The following ROBO2 variants were observed in gnomAD, a reference collection of about 807,000 sequenced individuals.
ROBO2 encodes roundabout homolog 2.
In ROBO2, 53 loss-of-function variants were observed where a neutral mutation model predicts 160.8. The observed-to-expected ratio is 0.33, with a 90% confidence interval of 0.26 to 0.41. ROBO2 has a LOEUF of 0.41. Among genes scored for constraint, ROBO2 ranks in the 10% least tolerant of loss-of-function variants. The pLI, the probability that ROBO2 is intolerant of heterozygous loss-of-function variation, is 1.00. For missense variants in ROBO2, 1,577 were observed against 1,722.4 expected (o/e 0.92, Z 1.49); for synonymous variants, 664 against 611.7 (o/e 1.09, Z -1.26).
At chr3:77,548,727 T>A (rs1582874484) in intron 7 of ROBO2, among the ~76,000 whole-genome samples, 1 of 152,070 alleles carries the variant, frequency 6.6e-6, no homozygotes, top group African/African-American at 2.4e-5. Context: ...TCTAGTTTTC[T>A]TTTCCTCACC....
rs774839752 is a variant in ROBO2 at position 77,577,556 on chromosome 3, G to A, written c.2270G>A (p.Ser757Asn). Residue 757 changes from serine (S) to asparagine (N), a missense_variant, in exon 15 of 26, where the codon AGT becomes AAT. This residue lies in a region of ROBO2 where 940 missense variants were observed against 1,135.5 expected (regional missense o/e 0.83). Coordinates refer to ENST00000461745, the Ensembl canonical transcript of ROBO2. ...GGAAGCTACAATAGCACAAGTATTA[G>A]TGTTTCCTGGGATCCTCCTCCTCCA... 2 of 1,613,238 alleles carry A rather than the reference G, an allele frequency of 1.2e-6. No homozygotes were observed. The highest frequency in any genetic ancestry group is 1.7e-5 in the Admixed American group (1 of 59,900).
At chr3:76,250,020 T>C (rs1358471858) in intron 2 of ROBO2, among the ~76,000 whole-genome samples, 2 of 152,122 alleles carry the variant, frequency 1.3e-5, no homozygotes, top group African/African-American at 2.4e-5. Flanking sequence ...CATGTTTATT[T>C]AACTAAAGTA....
chr3:76,891,988 T>C (rs2074379762), intron 2 of ROBO2, among the ~76,000 whole-genome samples: 1 of 151,950 alleles, frequency 6.6e-6, no homozygotes, highest in Admixed American at 6.6e-5. Flanking sequence ...CCTACAGTGG[T>C]GAAAGCCTCT....
intron 2 of ROBO2, among the ~76,000 whole-genome samples, chr3:76,496,972 T>G (rs2080182592): frequency 6.6e-6 from 1 of 152,148 alleles, no homozygotes; most frequent in East Asian, 1.9e-4. Flanking sequence ...GTTCATGCAA[T>G]TTATGGCTCC....
intron 2 of ROBO2, among the ~76,000 whole-genome samples, chr3:76,504,816 C>T (rs1236872949): frequency 6.6e-6 from 1 of 152,118 alleles, no homozygotes; most frequent in Non-Finnish European, 1.5e-5. Flanking sequence ...GCCTGAGCCA[C>T]CGCACCCAGC....
intron 2 of ROBO2, among the ~76,000 whole-genome samples, chr3:77,146,568 T>C (rs2150484825): frequency 6.6e-6 from 1 of 152,286 alleles, no homozygotes; most frequent in Middle Eastern, 3.4e-3. Context: ...CCTGGGTCTT[T>C]TCCAAAGTTA....
At chr3:76,865,348 A>G (rs940874727) in intron 2 of ROBO2, among the ~76,000 whole-genome samples, 1 of 151,212 alleles carries the variant, frequency 6.6e-6, no homozygotes, top group Non-Finnish European at 1.5e-5. Flanking sequence ...AATTCTTAAC[A>G]TTGTTATTAG....
chr3:76,247,521 A>T (rs17140566), intron 2 of ROBO2, among the ~76,000 whole-genome samples: 18,816 of 152,122 alleles, frequency 0.12, 1,826 homozygotes, highest in East Asian at 0.42. Context: ...CACCTGTCCT[A>T]TCTATGCGCT....
intron 2 of ROBO2, among the ~76,000 whole-genome samples, chr3:76,414,854 A>C (rs2108869231): frequency 6.6e-6 from 1 of 152,250 alleles, no homozygotes; most frequent in South Asian, 2.1e-4. Flanking sequence ...AATTATTCTA[A>C]GGGAAGTGAT....
chr3:76,034,616 T>A (rs1295174178), intron 2 of ROBO2, among the ~76,000 whole-genome samples: 3 of 150,766 alleles, frequency 2.0e-5, no homozygotes, highest in South Asian at 4.1e-4. Context: ...TATTTTGCAG[T>A]TAAATTATAC....
At chr3:77,279,966 C>A (rs1216382763) in intron 2 of ROBO2, among the ~76,000 whole-genome samples, 2 of 152,218 alleles carry the variant, frequency 1.3e-5, no homozygotes, top group Non-Finnish European at 2.9e-5. Flanking sequence ...AATATATTGG[C>A]TTCATTGTAA....
At chr3:76,864,226 G>A (rs2071118591) in intron 2 of ROBO2, among the ~76,000 whole-genome samples, 1 of 151,958 alleles carries the variant, frequency 6.6e-6, no homozygotes, top group Admixed American at 6.6e-5. Context: ...CCTTCCGGGG[G>A]TTTACAAATC....
At chr3:77,462,618 T>C (rs2082359255) in intron 2 of ROBO2, among the ~76,000 whole-genome samples, 1 of 152,210 alleles carries the variant, frequency 6.6e-6, no homozygotes, top group Admixed American at 6.5e-5. Context: ...TTGAAAACAC[T>C]CCGTCAATAT....
chr3:76,358,496 A>G (rs1576642188), intron 2 of ROBO2, among the ~76,000 whole-genome samples: 2 of 152,192 alleles, frequency 1.3e-5, no homozygotes, highest in East Asian at 1.9e-4. Context: ...ATCTTTGTCC[A>G]TAGAAAGTAG....
intron 2 of ROBO2, among the ~76,000 whole-genome samples, chr3:77,461,117 T>C (rs1256825828): frequency 6.6e-6 from 1 of 152,164 alleles, no homozygotes; most frequent in Non-Finnish European, 1.5e-5. Context: ...GACTCTGTGG[T>C]AAAAAATAAT....
At chr3:76,609,927 T>A (rs1012575141) in intron 2 of ROBO2, among the ~76,000 whole-genome samples, 1 of 152,214 alleles carries the variant, frequency 6.6e-6, no homozygotes, top group Non-Finnish European at 1.5e-5. Flanking sequence ...TTGAATTTTA[T>A]ATAATCCTTT....
chr3:77,040,894 T>C, intron 1 of ROBO2, 48 bp downstream of exon 1: 2 of 1,580,410 alleles, frequency 1.3e-6, no homozygotes, highest in Non-Finnish European at 1.7e-6. Context: ...CACCCCCCAA[T>C]CCCCCAAAAC....
intron 2 of ROBO2, among the ~76,000 whole-genome samples, chr3:77,126,867 C>A (rs1008041595): frequency 2.1e-5 from 3 of 142,740 alleles, no homozygotes; most frequent in African/African-American, 7.8e-5. Flanking sequence ...CGGCTCACTG[C>A]AACCTCCGCC....
At chr3:76,016,834 A>AT in intron 2 of ROBO2, among the ~76,000 whole-genome samples, 1 of 152,210 alleles carries the variant, frequency 6.6e-6, no homozygotes, top group African/African-American at 2.4e-5. Context: ...TCAGGACATG[A>AT]TTTTTCTATT....
Sources: allele counts gnomAD v4.1 joint callset (sites outside exome capture counted in the v4.1 genomes callset), GRCh38; gene constraint gnomAD v4.1.1; regional missense constraint gnomAD v4.1.1; transcripts MANE v1.5; gene names NCBI Gene and HGNC (gene_info 2026-07-23, HGNC 2026-07-21).